Variants in PCDH11X observed in about 807,000 individuals in gnomAD.
PCDH11X encodes the protein protocadherin-11 X-linked.
PCDH11X carries 18 observed loss-of-function variants against 53.3 expected under a neutral mutation model. The ratio of observed to expected loss-of-function variants is 0.34; its 90% CI spans 0.23 to 0.50. The LOEUF (loss-of-function observed/expected upper bound fraction) is 0.50. PCDH11X is among the 20% of genes least tolerant of loss of function. The pLI is 0.98. For missense variants in PCDH11X, 570 were observed against 1,032.4 expected (o/e 0.55, Z 6.14); for synonymous variants, 279 against 393.3 (o/e 0.71, Z 3.44).
At chrX:92,464,645 T>G (rs1433518210) in intron 9 of PCDH11X, among the ~76,000 whole-genome samples, 1 of 111,094 alleles carries the variant, frequency 9.0e-6, no homozygotes, top group Non-Finnish European at 1.9e-5. Context: ...ACAATTTGAA[T>G]AGAAAATTTG....
intron 7 of PCDH11X, among the ~76,000 whole-genome samples, chrX:92,212,495 C>T (rs1017070242): frequency 1.2e-4 from 13 of 111,265 alleles, no homozygotes; most frequent in East Asian, 2.8e-4. Flanking sequence ...GGACTACAGG[C>T]GTGTGCCACC....
At chrX:91,934,882 A>G (rs2061427506) in intron 6 of PCDH11X, among the ~76,000 whole-genome samples, 1 of 101,521 alleles carries the variant, frequency 9.9e-6, no homozygotes, top group Admixed American at 1.1e-4. Context: ...AGAGTCCTAG[A>G]TAAATTATAG....
At chrX:91,839,974 A>G (rs1937463209) in intron 5 of PCDH11X, among the ~76,000 whole-genome samples, 1 of 111,918 alleles carries the variant, frequency 8.9e-6, no homozygotes, top group South Asian at 3.7e-4. Flanking sequence ...GTTCAGGAGT[A>G]GGAAATCACA....
chrX:92,535,877 G>A (rs1004398472), intron 10 of PCDH11X, among the ~76,000 whole-genome samples: 6 of 109,112 alleles, frequency 5.5e-5, no homozygotes, highest in Non-Finnish European at 7.6e-5. Flanking sequence ...ATTTTAAGAA[G>A]CTTAATTACC....
chrX:92,508,209 C>CT (rs1441146746), intron 10 of PCDH11X, among the ~76,000 whole-genome samples: 3 of 86,040 alleles, frequency 3.5e-5, no homozygotes, highest in Non-Finnish European at 7.8e-5. Flanking sequence ...AGTAACTCTA[C>CT]TTTGTTTTTT....
chrX:91,940,500 C>T (rs1314750600), intron 6 of PCDH11X, among the ~76,000 whole-genome samples: 1 of 110,686 alleles, frequency 9.0e-6, no homozygotes, highest in African/African-American at 3.3e-5. Context: ...GGCACACATG[C>T]GCATGTATAC....
intron 10 of PCDH11X, among the ~76,000 whole-genome samples, chrX:92,516,593 CAT>C (rs1458716315): frequency 1.8e-5 from 2 of 112,166 alleles, no homozygotes; most frequent in Non-Finnish European, 3.8e-5. Context: ...ATTACTGAAT[CAT>C]ATAATTAAAC....
intron 6 of PCDH11X, among the ~76,000 whole-genome samples, chrX:91,889,802 A>G: frequency 9.1e-6 from 1 of 109,597 alleles, no homozygotes; most frequent in East Asian, 2.9e-4. Flanking sequence ...AGAATTTAGT[A>G]CTACAGAATG....
At chrX:92,286,373 G>A (rs1487130824) in intron 8 of PCDH11X, among the ~76,000 whole-genome samples, 2 of 107,894 alleles carry the variant, frequency 1.9e-5, no homozygotes, top group Admixed American at 1.0e-4. Flanking sequence ...AAGGTTAACA[G>A]AAAGTCCAGC....
intron 6 of PCDH11X, among the ~76,000 whole-genome samples, chrX:92,064,917 T>C (rs2063584645): frequency 9.7e-6 from 1 of 103,032 alleles, no homozygotes; most frequent in African/African-American, 3.9e-5. Flanking sequence ...GAGGAAAGCA[T>C]GGCCTTCAGC....
At position 91,958,438 on chromosome X, in the gene PCDH11X, G is replaced by T. The variant is rs1335059725; in HGVS notation, c.3033+79165G>T. Among the ~76,000 whole-genome samples, 6 of 111,401 alleles carry T rather than the reference G, an allele frequency of 5.4e-5. No homozygotes were observed. The Admixed American group carries it at 5.7e-4, about 11-fold the overall frequency. ...GGCTGCTCTGCTGAGACTCCACACA[G>T]CTCTGTGTGTCAGACCCAAGGCCCT... On this transcript the variant is annotated intron_variant, in intron 6 of 10. Coordinates refer to ENST00000682573, the MANE Select transcript of PCDH11X (RefSeq NM_032968.5).
intron 8 of PCDH11X, among the ~76,000 whole-genome samples, chrX:92,346,113 G>A (rs918975917): frequency 9.0e-6 from 1 of 110,634 alleles, no homozygotes; most frequent in African/African-American, 3.3e-5. Flanking sequence ...ATTAACGACT[G>A]CCAATGCTAT....
chrX:92,348,098 G>T (rs1272021843), intron 8 of PCDH11X, among the ~76,000 whole-genome samples: 1 of 110,893 alleles, frequency 9.0e-6, no homozygotes, highest in African/African-American at 3.3e-5. Flanking sequence ...CCAAACTCTG[G>T]CATTTTTCTG....
At chrX:92,291,165 C>T (rs1305567546) in intron 8 of PCDH11X, among the ~76,000 whole-genome samples, 2 of 107,863 alleles carry the variant, frequency 1.9e-5, no homozygotes, top group African/African-American at 6.8e-5. Context: ...CCACCTGGGC[C>T]TCCCAAAGTG....
chrX:92,582,727 G>A (rs1923861718), intron 10 of PCDH11X, among the ~76,000 whole-genome samples: 1 of 111,034 alleles, frequency 9.0e-6, no homozygotes, highest in Admixed American at 9.6e-5. Flanking sequence ...CTTGCACCAT[G>A]CACCTGGAAA....
At chrX:92,339,403 A>G (rs2069698006) in intron 8 of PCDH11X, among the ~76,000 whole-genome samples, 1 of 112,252 alleles carries the variant, frequency 8.9e-6, no homozygotes, top group Non-Finnish European at 1.9e-5. Context: ...TGCAACCTGT[A>G]TTAGCCCATT....
At chrX:92,032,792 T>C (rs1234255630) in intron 6 of PCDH11X, among the ~76,000 whole-genome samples, 1 of 107,176 alleles carries the variant, frequency 9.3e-6, no homozygotes, top group Non-Finnish European at 1.9e-5. Flanking sequence ...TCAATTGATT[T>C]GCATATGTTG....
At chrX:91,963,114 C>T (rs1015226640) in intron 6 of PCDH11X, among the ~76,000 whole-genome samples, 3 of 112,089 alleles carry the variant, frequency 2.7e-5, no homozygotes, top group African/African-American at 9.8e-5. Flanking sequence ...TTTACTTATG[C>T]AAATTCCTGC....
intron 9 of PCDH11X, among the ~76,000 whole-genome samples, chrX:92,414,314 G>T (rs5942240): frequency 0.15 from 9,699 of 65,127 alleles, 1,109 homozygotes; most frequent in Non-Finnish European, 0.22. Flanking sequence ...TTTCTCAGTA[G>T]AATGGATCAG....
Sources: allele counts gnomAD v4.1 joint callset (sites outside exome capture counted in the v4.1 genomes callset), GRCh38; gene constraint gnomAD v4.1.1; transcripts MANE v1.5; gene names NCBI Gene and HGNC (gene_info 2026-07-23, HGNC 2026-07-21).